Variants in MYRIP observed in about 807,000 individuals in gnomAD.
The protein encoded by MYRIP is rab effector MyRIP.
In MYRIP, 49 loss-of-function variants were observed where a neutral mutation model predicts 98.0. The ratio of observed to expected loss-of-function variants is 0.50; its 90% confidence interval spans 0.40 to 0.63. The LOEUF (loss-of-function observed/expected upper bound fraction) is 0.63. Among genes scored for constraint, MYRIP ranks in the 30% least tolerant of loss-of-function variants. The pLI is 0.00. For missense variants in MYRIP, 1,004 were observed against 1,058.2 expected (o/e 0.95, Z 0.71); for synonymous variants, 404 against 409.5 (o/e 0.99, Z 0.16).
chr3:39,822,324 ATACT>A (rs1350219556), intron 1 of MYRIP, among the ~76,000 whole-genome samples: 2 of 152,202 alleles, frequency 1.3e-5, no homozygotes, highest in East Asian at 3.8e-4. Context: ...ATTCAATGTC[ATACT>A]TCTAGCTATT....
intron 11 of MYRIP, among the ~76,000 whole-genome samples, chr3:40,211,558 C>G (rs1951926871): frequency 6.6e-6 from 1 of 152,186 alleles, no homozygotes; most frequent in African/African-American, 2.4e-5. Flanking sequence ...GATATGGACT[C>G]CAACCTATTG....
At chr3:39,875,030 G>C (rs1304313838) in intron 1 of MYRIP, among the ~76,000 whole-genome samples, 3 of 152,144 alleles carry the variant, frequency 2.0e-5, no homozygotes, top group Non-Finnish European at 4.4e-5. Flanking sequence ...ACTGTTATTG[G>C]TCTATTCAGA....
At chr3:39,902,875 C>G (rs182082219) in intron 2 of MYRIP, among the ~76,000 whole-genome samples, 37 of 152,302 alleles carry the variant, frequency 2.4e-4, no homozygotes, top group Non-Finnish European at 2.5e-4. Context: ...TGGGCACCGT[C>G]TATCTCATGA....
chr3:39,981,837 A>C (rs905673507), intron 2 of MYRIP, among the ~76,000 whole-genome samples: 1 of 152,156 alleles, frequency 6.6e-6, no homozygotes, highest in Non-Finnish European at 1.5e-5. Context: ...AGGGCCCACT[A>C]TATGTCAGTC....
intron 3 of MYRIP, among the ~76,000 whole-genome samples, chr3:40,079,185 C>T (rs757296556): frequency 3.3e-5 from 5 of 152,194 alleles, no homozygotes; most frequent in Admixed American, 1.3e-4. Flanking sequence ...GAAGATCACA[C>T]GATTTACCAT....
intron 11 of MYRIP, among the ~76,000 whole-genome samples, chr3:40,222,405 C>A (rs992906716): frequency 5.9e-5 from 9 of 152,136 alleles, no homozygotes; most frequent in Non-Finnish European, 8.8e-5. Flanking sequence ...TCTATCCTGG[C>A]CCTGTTTTAA....
At chr3:39,849,931 G>A (rs1942076378) in intron 1 of MYRIP, among the ~76,000 whole-genome samples, 1 of 152,188 alleles carries the variant, frequency 6.6e-6, no homozygotes, top group African/African-American at 2.4e-5. Flanking sequence ...ATGACTAAGA[G>A]ACAACTTTAA....
intron 2 of MYRIP, among the ~76,000 whole-genome samples, chr3:40,034,040 TC>T (rs1383288964): frequency 1.3e-5 from 2 of 152,114 alleles, no homozygotes; most frequent in East Asian, 3.9e-4. Flanking sequence ...TGAAACTGGA[TC>T]CTTTCCTTAC....
At chr3:40,176,907 T>TG (rs1950776690) in intron 8 of MYRIP, among the ~76,000 whole-genome samples, 1 of 25,202 alleles carries the variant, frequency 4.0e-5, no homozygotes, top group South Asian at 1.1e-3. Context: ...AAACTCCATC[T>TG]CAAAAAAAAA....
At chr3:40,082,972 T>C (rs1431051910) in intron 3 of MYRIP, among the ~76,000 whole-genome samples, 1 of 152,164 alleles carries the variant, frequency 6.6e-6, no homozygotes, top group East Asian at 1.9e-4. Context: ...GGGAGCCAAA[T>C]TTAAAGAAGC....
intron 1 of MYRIP, among the ~76,000 whole-genome samples, chr3:39,827,828 C>T (rs1162684074): frequency 9.2e-5 from 14 of 152,016 alleles, no homozygotes; most frequent in Non-Finnish European, 1.9e-4. Flanking sequence ...TTTTATTTAT[C>T]CTTCAATTCT....
chr3:39,854,650 A>T (rs1942232668), intron 1 of MYRIP, among the ~76,000 whole-genome samples: 1 of 151,706 alleles, frequency 6.6e-6, no homozygotes, highest in Admixed American at 6.6e-5. Flanking sequence ...CAATTCAGAG[A>T]TTCCTTCTTG....
upstream of MYRIP, chr3:39,809,539 G>C (rs71614181): frequency 0.68 from 102,202 of 149,220 alleles, 36,557 homozygotes; most frequent in African/African-American, 0.9. Context: ...CGCCTCCGCA[G>C]GCTCCCCCGC....
intron 2 of MYRIP, among the ~76,000 whole-genome samples, chr3:39,928,471 G>A (rs1944467804): frequency 6.6e-6 from 1 of 151,676 alleles, no homozygotes; most frequent in Non-Finnish European, 1.5e-5. Context: ...TATAAAAAGA[G>A]TTATACACTA....
At chr3:39,820,846 A>C (rs966822755) in intron 1 of MYRIP, among the ~76,000 whole-genome samples, 1 of 152,018 alleles carries the variant, frequency 6.6e-6, no homozygotes, top group African/African-American at 2.4e-5. Context: ...AGATCCCCTA[A>C]AGGCTCCTTC....
chr3:40,153,863 CG>C (rs1950166732), intron 4 of MYRIP, among the ~76,000 whole-genome samples: 1 of 152,090 alleles, frequency 6.6e-6, no homozygotes, highest in Non-Finnish European at 1.5e-5. Flanking sequence ...CAATTCAGGC[CG>C]GGCACAGTGG....
At chr3:40,250,143 T>C in intron 13 of MYRIP, 79 bp from the exon 14 acceptor site, 2 of 1,211,632 alleles carry the variant, frequency 1.7e-6, no homozygotes, top group South Asian at 2.6e-5. Flanking sequence ...TTTGTCTTTA[T>C]AAATTCTTAA....
intron 9 of MYRIP, among the ~76,000 whole-genome samples, chr3:40,186,266 C>G (rs1216156730): frequency 6.6e-6 from 1 of 152,058 alleles, no homozygotes; most frequent in African/African-American, 2.4e-5. Flanking sequence ...GCTCCACAGC[C>G]ATGCTCGGAG....
At chr3:39,821,084 A>T (rs965156500) in intron 1 of MYRIP, among the ~76,000 whole-genome samples, 8 of 152,154 alleles carry the variant, frequency 5.3e-5, no homozygotes, top group African/African-American at 1.7e-4. Flanking sequence ...CACAAATCTG[A>T]AAGATAGTTA....
Sources: allele counts gnomAD v4.1 joint callset (sites outside exome capture counted in the v4.1 genomes callset), GRCh38; gene constraint gnomAD v4.1.1; transcripts MANE v1.5; gene names NCBI Gene and HGNC (gene_info 2026-07-23, HGNC 2026-07-21).